The following ZNF468 variants were observed in gnomAD, a reference collection of about 807,000 sequenced individuals.
ZNF468 encodes zinc finger protein ZNF468.
Under a neutral mutation model 7.2 loss-of-function variants are expected in ZNF468, and 8 were observed. The ratio of observed to expected loss-of-function variants is 1.11; its 90% CI spans 0.65 to 2.01. The LOEUF is 2.01. ZNF468 is among the 30% of genes most tolerant of loss of function. The probability of loss-of-function intolerance (pLI) is 0.00; values close to 1 mark genes in which losing one functional copy is unlikely to be tolerated. For synonymous variants in ZNF468, 218 were observed against 214.4 expected, an observed-to-expected ratio of 1.02 and a Z score of -0.15; for missense variants, 608 against 626.5, an observed-to-expected ratio of 0.97 and a Z score of 0.31.
intron 2 of ZNF468, among the ~76,000 whole-genome samples, chr19:52,850,600 C>T (rs1181342581): frequency 6.6e-6 from 1 of 151,100 alleles, no homozygotes; most frequent in Non-Finnish European, 1.5e-5. Flanking sequence ...GAGAGGAGCA[C>T]AAAAAATAAC....
rs868783920 is a variant in ZNF468, at chr19:52,850,775, T to C, written c.16-1562A>G. Among the ~76,000 whole-genome samples the C allele has an allele frequency of 2.2e-3, 330 of 151,750 alleles. 2 individuals carry two copies. Among genetic ancestry groups the C allele is most frequent in the Middle Eastern group, 6.8e-3 (2 of 294 alleles). ...TTAGCCGGGCGTGGTGGCGGGCGCC[T>C]GTAGTCCCAGCTACTCGGGAGGCTG... On this transcript the variant is annotated intron_variant, in intron 2 of 3. Coordinates refer to ENST00000595646, the MANE Select transcript of ZNF468 (RefSeq NM_001008801.2).
intron 2 of ZNF468, among the ~76,000 whole-genome samples, chr19:52,852,729 G>C (rs2063400248): frequency 6.6e-6 from 1 of 151,998 alleles, no homozygotes; most frequent in Non-Finnish European, 1.5e-5. Context: ...TACTGGACTT[G>C]ATACCGGAGT....
At chr19:52,854,537 G>C (rs1015185096) in intron 1 of ZNF468, among the ~76,000 whole-genome samples, 192 bp from the exon 2 acceptor site, 4 of 152,150 alleles carry the variant, frequency 2.6e-5, no homozygotes, top group Non-Finnish European at 5.9e-5. Context: ...CGCTGCAGCA[G>C]TGGGGAGCTG....
Position 52,853,598 on chromosome 19 carries a change from G to A in ZNF468, c.15+660C>T, listed in dbSNP as rs1374914828. The stretch of plus-strand genomic sequence containing the variant: ...CCCAGCTACTAGGTGGGCTGAGGCA[G>A]GAGAATCACTTGAACCCAGGAGGCG... On this transcript the variant is annotated intron_variant, in intron 2 of 3. Coordinates refer to ENST00000595646, the MANE Select transcript of ZNF468 (RefSeq NM_001008801.2). 3.3e-5 allele frequency among the ~76,000 whole-genome samples: 5 copies of A among 152,172 alleles called. No individual in the cohort carries two copies. The East Asian group carries it at 7.7e-4, about 24-fold the overall frequency.
rs139254214 is a variant in ZNF468 at position 52,841,624 on chromosome 19, A to G, written c.670T>C (p.Phe224Leu). Residue 224 changes from phenylalanine to leucine, a missense_variant, in exon 4 of 4, where the codon TTT becomes CTT. Coordinates refer to ENST00000595646, the MANE Select transcript of ZNF468 (RefSeq NM_001008801.2). ...SFECIQSFKS[F>L]NCSSLLKKHQ... is the part of the protein sequence containing the mutation. ...TTTTTTAAGAGTGAGCTGCAATTAAAGGATTTGAAGCTCTGTATACATTCA... is the reference window on the plus strand; with the variant it reads ...TTTTTTAAGAGTGAGCTGCAATTAAGGGATTTGAAGCTCTGTATACATTCA... 92 of 1,613,986 alleles carry G rather than the reference A, an allele frequency of 5.7e-5. No homozygotes were observed. The Middle Eastern group carries it at 9.9e-4, about 17-fold the overall frequency.
chr19:52,855,857 G>A (rs956879436), intron 1 of ZNF468, among the ~76,000 whole-genome samples: 4 of 152,206 alleles, frequency 2.6e-5, no homozygotes, highest in African/African-American at 7.2e-5. Flanking sequence ...GCCCTTCGTC[G>A]CAAAGATGCA....
intron 3 of ZNF468, 150 bp from the exon 4 acceptor site, chr19:52,842,301 C>A (rs1600513426): frequency 2.9e-6 from 2 of 683,952 alleles, no homozygotes; most frequent in Non-Finnish European, 4.5e-6. Flanking sequence ...GAGTAAGATT[C>A]TTTAATAAAT....
intron 2 of ZNF468, among the ~76,000 whole-genome samples, chr19:52,852,545 C>T (rs1390019807): frequency 6.6e-6 from 1 of 151,664 alleles, no homozygotes; most frequent in Non-Finnish European, 1.5e-5. Flanking sequence ...GGCATGGTGG[C>T]GGGTGCCTGC....
intron 3 of ZNF468, 53 bp from the exon 4 acceptor site, chr19:52,842,204 T>C: frequency 7.2e-7 from 1 of 1,395,122 alleles, no homozygotes; most frequent in Non-Finnish European, 9.6e-7. Flanking sequence ...CGGTATATAA[T>C]ACTGAAATGT....
chr19:52,841,458 G>A lies in ZNF468; in HGVS notation c.836C>T (p.Thr279Ile), dbSNP rs1309102813. ...GAAGAGGGATGAATTATGACCAAAG[G>A]TCTTGCCACACTCATTACACTTGTA... is the stretch of plus-strand genomic sequence containing the variant. ...KPYKCNECGKTFGHNSSLFIH... is the reference protein window; with the variant it reads ...KPYKCNECGKIFGHNSSLFIH... Residue 279 changes from threonine to isoleucine, a missense_variant, in exon 4 of 4, where the codon ACC (threonine) becomes ATC (isoleucine). Thr to Ile is a moderately conservative substitution (Grantham distance 89, BLOSUM62 -1). Transcript: ENST00000595646. The A allele has an allele frequency of 3.1e-6, 5 of 1,613,870 alleles. No homozygotes were observed. Among genetic ancestry groups the A allele is most frequent in the Non-Finnish European group, 4.2e-6 (5 of 1,179,968 alleles).
intron 3 of ZNF468, chr19:52,846,721 G>T (rs1268620403): frequency 1.3e-5 from 2 of 152,302 alleles, no homozygotes; most frequent in Non-Finnish European, 2.9e-5. Flanking sequence ...AGTAACAATG[G>T]TTAGGCATGG....
At chr19:52,853,624 G>A (rs960546156) in intron 2 of ZNF468, among the ~76,000 whole-genome samples, 1 of 152,006 alleles carries the variant, frequency 6.6e-6, no homozygotes, top group Non-Finnish European at 1.5e-5. Context: ...CCAGGAGGCG[G>A]AGGTTGCGGT....
At chr19:52,853,058 T>C (rs894299479) in intron 2 of ZNF468, among the ~76,000 whole-genome samples, 6 of 151,924 alleles carry the variant, frequency 3.9e-5, no homozygotes, top group African/African-American at 1.5e-4. Flanking sequence ...GGTTTCACCA[T>C]GTTAGCCAGG....
At chr19:52,848,289 G>A (rs1485370391) in intron 3 of ZNF468, among the ~76,000 whole-genome samples, 2 of 152,140 alleles carry the variant, frequency 1.3e-5, no homozygotes, top group Non-Finnish European at 2.9e-5. Context: ...GTCAGAAAGA[G>A]ACTCCTGCTT....
At chr19:52,854,894 T>C (rs922157035) in intron 1 of ZNF468, among the ~76,000 whole-genome samples, 4 of 152,158 alleles carry the variant, frequency 2.6e-5, no homozygotes, top group African/African-American at 4.8e-5. Flanking sequence ...GATTGGTGGG[T>C]ATCTCTAATC....
chr19:52,849,394 T>C, intron 2 of ZNF468, 181 bp from the exon 3 acceptor site: 1 of 1,236,776 alleles, frequency 8.1e-7, no homozygotes, highest in Non-Finnish European at 1.1e-6. Flanking sequence ...ACTTTTTGAG[T>C]ATTATCAAGA....
At chr19:52,854,787 G>C (rs1291452009) in intron 1 of ZNF468, among the ~76,000 whole-genome samples, 1 of 151,976 alleles carries the variant, frequency 6.6e-6, no homozygotes, top group African/African-American at 2.4e-5. Flanking sequence ...CACTCTGAAA[G>C]GCCAAGGTGG....
At chr19:52,853,463 C>T (rs540022440) in intron 2 of ZNF468, among the ~76,000 whole-genome samples, 19 of 152,234 alleles carry the variant, frequency 1.2e-4, no homozygotes, top group African/African-American at 4.3e-4. Flanking sequence ...CCGAGGCGGG[C>T]AGACCACCTG....
chr19:52,840,338 T>C lies in ZNF468; in HGVS notation c.*387A>G. 1 of 445,392 alleles carries C rather than the reference T, an allele frequency of 2.2e-6. No homozygotes were observed. The highest frequency in any genetic ancestry group is 2.1e-5 in the South Asian group (1 of 48,226). 27.6% of individuals were successfully genotyped at this position (445,392 alleles called of 1,614,324 possible). On this transcript the variant is annotated 3_prime_UTR_variant, in exon 4 of 4. Transcript: ENST00000595646. ...CAAGGTGTGAATTTTGACCTTTTAA[T>C]TACAAGGTGTGAATTTTGACCAACG...
Sources: gnomAD v4.1 joint callset for allele counts (sites outside exome capture counted in the v4.1 genomes callset) on GRCh38, gnomAD v4.1.1 for gene constraint, MANE v1.5 for transcripts, NCBI Gene and HGNC (gene_info 2026-07-23, HGNC 2026-07-21) for gene names.